TRPM8: variants seen among roughly 807,000 people sequenced by gnomAD.
TRPM8 encodes the protein transient receptor potential cation channel subfamily M member 8, also known as TRPM8 cationic channel.
Under a neutral mutation model 133.7 loss-of-function variants are expected in TRPM8, and 110 were observed. That is an observed-to-expected ratio of 0.82 (90% CI 0.70 to 0.96). The LOEUF (loss-of-function observed/expected upper bound fraction) is 0.96, where lower values mean the gene tolerates loss of function less well. TRPM8 is among the 40% of genes least tolerant of loss of function. The pLI, the probability that TRPM8 is intolerant of heterozygous loss-of-function variation, is 0.00. For synonymous variants in TRPM8, 535 were observed against 532.3 expected (o/e 1.01, Z -0.07); for missense variants, 1,291 against 1,379.5 (o/e 0.94, Z 1.02).
At chr2:233,964,513 C>G in intron 13 of TRPM8, 115 bp from the exon 14 acceptor site, 1 of 912,288 alleles carries the variant, frequency 1.1e-6, no homozygotes, top group Non-Finnish European at 1.4e-6. Context: ...GATCGTGCCA[C>G]AGCACTCCAG....
chr2:233,952,295 G>A (rs1691188265), intron 9 of TRPM8, among the ~76,000 whole-genome samples: 1 of 152,148 alleles, frequency 6.6e-6, no homozygotes, highest in African/African-American at 2.4e-5. Context: ...ACAGTACAGT[G>A]CATTGTGTAA....
chr2:233,991,484 G>A (rs574715264), intron 21 of TRPM8, among the ~76,000 whole-genome samples: 1 of 152,290 alleles, frequency 6.6e-6, no homozygotes, highest in South Asian at 2.1e-4. Flanking sequence ...CGGGCCATGG[G>A]GCAGTACTGG....
chr2:233,950,272 G>A (rs1474038093), intron 9 of TRPM8, 126 bp downstream of exon 9: 10 of 900,908 alleles, frequency 1.1e-5, no homozygotes, highest in Non-Finnish European at 1.7e-5. Context: ...TGCCTTTGAG[G>A]CTCAACAGGT....
Position 233,993,489 on chromosome 2 carries a change from AG to A in TRPM8, c.2940-2836del, listed in dbSNP as rs569439933. ...AGGGTCATTGGTCAGATGTGTCAAA[AG>A]AAGCAGTATTCAGTGATGCTGTACC... is the stretch of plus-strand genomic sequence containing the variant. On this transcript the variant is annotated intron_variant, in intron 21 of 25. Transcript: ENST00000324695. Among the ~76,000 whole-genome samples the A allele has an allele frequency of 5.1e-4, 78 of 152,328 alleles. 1 individual carries two copies. The highest frequency in any genetic ancestry group is 3.4e-3 in the Middle Eastern group (1 of 294).
chr2:233,927,077 G>A (rs999090365), intron 2 of TRPM8, among the ~76,000 whole-genome samples: 18 of 152,182 alleles, frequency 1.2e-4, no homozygotes, highest in African/African-American at 4.1e-4. Flanking sequence ...ACTGGGCTGA[G>A]TTCCCTCCTG....
At chr2:233,975,995 T>C (rs772336690) in intron 17 of TRPM8, among the ~76,000 whole-genome samples, 2 of 152,224 alleles carry the variant, frequency 1.3e-5, no homozygotes, top group Admixed American at 6.5e-5. Flanking sequence ...AAGGCAGACC[T>C]TGGCCTGGAT....
chr2:234,011,243 G>C (rs148488020), intron 24 of TRPM8, among the ~76,000 whole-genome samples: 27 of 152,248 alleles, frequency 1.8e-4, no homozygotes, highest in Admixed American at 5.2e-4. Context: ...TTTCCCCACT[G>C]ATGCCTTTGG....
intron 15 of TRPM8, 78 bp from the exon 16 acceptor site, chr2:233,969,617 G>A (rs6760498): frequency 0.22 from 182,148 of 833,278 alleles, 27,219 homozygotes; most frequent in East Asian, 0.54. Context: ...AGTGTGGGGC[G>A]GGGAAGAAAG....
chr2:233,939,128 G>T lies in TRPM8; in HGVS notation c.479G>T (p.Arg160Leu), dbSNP rs771405492. Residue 160 changes from arginine (R) to leucine (L), a missense_variant, in exon 5 of 26, where the codon CGC becomes CTC. By Grantham distance (102) the Arg-to-Leu change is moderately radical (BLOSUM62 -2). Around this residue, in one of 2 missense-constraint regions of TRPM8, gnomAD observed 963 missense variants for 968.9 expected, o/e 0.99. Coordinates refer to ENST00000324695, the MANE Select transcript of TRPM8 (RefSeq NM_024080.5). ...GGAKNFALKP[R>L]MRKIFSRLIY... ...GCCAAGAACTTCGCCCTGAAGCCGC[G>T]CATGCGCAAGATCTTCAGCCGGCTC... 1.2e-6 allele frequency: 2 copies of T among 1,614,174 alleles called. No individual in the cohort carries two copies. The highest frequency in any genetic ancestry group is 3.3e-5 in the Admixed American group (2 of 60,036).
chr2:233,939,092 T>C lies in TRPM8; in HGVS notation c.443T>C (p.Val148Ala), dbSNP rs1484394230. ...AAAACACCCAACCTGGTCATTTCTG[T>C]GACCGGGGGCGCCAAGAACTTCGCC... ...HLKTPNLVIS[V>A]TGGAKNFALK... The change falls in exon 5 of 26, where the codon GTG (valine) becomes GCG (alanine). Residue 148 changes from valine to alanine, a missense_variant. Around this residue, in one of 2 missense-constraint regions of TRPM8, gnomAD observed 963 missense variants for 968.9 expected, o/e 0.99. Transcript: ENST00000324695. The C allele has an allele frequency of 2.5e-6, 4 of 1,614,222 alleles. No homozygotes were observed. The East Asian group carries it at 8.9e-5, about 36-fold the overall frequency.
At chr2:234,008,151 A>G (rs1692742200) in intron 24 of TRPM8, 48 bp downstream of exon 24, 1 of 1,545,862 alleles carries the variant, frequency 6.5e-7, no homozygotes, top group Non-Finnish European at 8.7e-7. Flanking sequence ...TTGGTCACTA[A>G]TACTTTGAGC....
chr2:233,955,622 A>G (rs1691275286), intron 11 of TRPM8, among the ~76,000 whole-genome samples: 1 of 152,128 alleles, frequency 6.6e-6, no homozygotes, highest in Non-Finnish European at 1.5e-5. Context: ...TCAACTATAA[A>G]TCCAGACGGC....
intron 9 of TRPM8, among the ~76,000 whole-genome samples, chr2:233,953,510 G>C (rs1310892078): frequency 1.3e-5 from 2 of 152,166 alleles, no homozygotes; most frequent in Non-Finnish European, 2.9e-5. Context: ...TTTCTTGTTT[G>C]CATTTGAGCT....
At chr2:233,945,084 A>AT (rs1228385884) in intron 6 of TRPM8, among the ~76,000 whole-genome samples, 1 of 152,084 alleles carries the variant, frequency 6.6e-6, no homozygotes, top group Admixed American at 6.5e-5. Flanking sequence ...TCTGAATGCT[A>AT]TTTTTTCCTT....
At position 233,983,236 on chromosome 2, in the gene TRPM8, T is replaced by G. The variant is rs758188294; in HGVS notation, c.2761+12T>G. On this transcript the variant is annotated intron_variant, in intron 20 of 25. Transcript: ENST00000324695. ...CAGTGACGTGGATGGTAAGCCTGACTTGGCTCAGATGGAAACAGCTTGGAG... is the reference window on the plus strand; with the variant it reads ...CAGTGACGTGGATGGTAAGCCTGACGTGGCTCAGATGGAAACAGCTTGGAG... The G allele has an allele frequency of 6.2e-6, 10 of 1,613,960 alleles. No individual in the cohort carries two copies. In the South Asian group the frequency reaches 9.9e-5, roughly 16 times the overall value.
At position 233,968,147 on chromosome 2, in the gene TRPM8, C is replaced by T. The variant is rs543177063; in HGVS notation, c.2025+1392C>T. ...CCTGACGGTGATGCTCAGTGATGGC[C>T]TGGCGTCTGCATCACCCCAGCAGAA... On this transcript the variant is annotated intron_variant, in intron 15 of 25. Transcript: ENST00000324695. 2.6e-5 allele frequency: 4 copies of T among 152,294 alleles called. No individual in the cohort carries two copies. In the South Asian group the frequency reaches 8.3e-4, roughly 32 times the overall value. 9.4% of individuals were successfully genotyped at this position (152,294 alleles called of 1,614,324 possible). A position where few individuals can be genotyped will look rare whatever the true frequency, so the allele number is the denominator to read the frequency against.
intron 21 of TRPM8, 141 bp from the exon 22 acceptor site, chr2:233,996,185 C>T (rs1312015973): frequency 7.0e-6 from 4 of 575,016 alleles, no homozygotes; most frequent in African/African-American, 5.7e-5. Flanking sequence ...TATTTTGGCT[C>T]GTGTATCACT....
rs1370318372 is a variant in TRPM8, at chr2:233,970,421, A to T, written c.2350A>T (p.Arg784Ter). 6.2e-7 allele frequency: 1 copy of T among 1,613,704 alleles called. No homozygotes were observed. The highest frequency in any genetic ancestry group is 1.7e-5 in the Admixed American group (1 of 60,006). Residue 784 changes from arginine (R) to a stop codon, truncating the protein, a stop_gained, in exon 17 of 26, where the codon AGA (arginine) becomes TGA (stop). Transcript: ENST00000324695. LOFTEE classifies it high-confidence loss of function. ...CTTTGTCCTCTTCTGTGATGAAGTG[A>T]GACAGGTAGGGCTGCCATGACAGCA... ...LVFVLFCDEV[R>*]QWYVNGVNYF...
At chr2:233,920,555 G>A (rs1691387224) in intron 1 of TRPM8, among the ~76,000 whole-genome samples, 1 of 152,180 alleles carries the variant, frequency 6.6e-6, no homozygotes, top group Non-Finnish European at 1.5e-5. Flanking sequence ...GCTTCAACTT[G>A]CATTCAGGAC....
Sources: gnomAD v4.1 joint callset for allele counts (sites outside exome capture counted in the v4.1 genomes callset) on GRCh38, gnomAD v4.1.1 for gene constraint, gnomAD v4.1.1 regional missense constraint, MANE v1.5 for transcripts, NCBI Gene and HGNC (gene_info 2026-07-23, HGNC 2026-07-21) for gene names.